SPMIP2: variants seen among roughly 807,000 people sequenced by gnomAD.
SPMIP2 encodes protein SPMIP2.
At chr4:159,065,588 T>C in the SPMIP2 span, among the ~76,000 whole-genome samples, 192 of 152,236 alleles carry the variant, frequency 1.3e-3, 1 homozygote, top group African/African-American at 4.5e-3. Context: ...CGTGGTGGCA[T>C]GCATCTGTTG....
the SPMIP2 span, among the ~76,000 whole-genome samples, chr4:158,969,253 G>C: frequency 1.3e-5 from 2 of 152,132 alleles, no homozygotes; most frequent in African/African-American, 4.8e-5. Context: ...AAGGCCAGTG[G>C]AGAGGAGATA....
At chr4:159,017,805 G>C in the SPMIP2 span, among the ~76,000 whole-genome samples, 2 of 152,198 alleles carry the variant, frequency 1.3e-5, no homozygotes, top group African/African-American at 2.4e-5. Context: ...CAAGAGCTCA[G>C]AGCCAAGGAG....
At chr4:158,999,783 T>C in the SPMIP2 span, among the ~76,000 whole-genome samples, 3 of 152,246 alleles carry the variant, frequency 2.0e-5, no homozygotes, top group Non-Finnish European at 2.9e-5. Flanking sequence ...ATTAGGTGGG[T>C]AAAGCCACAT....
chr4:159,078,845 TG>T, the SPMIP2 span, among the ~76,000 whole-genome samples: 1 of 152,182 alleles, frequency 6.6e-6, no homozygotes, highest in Non-Finnish European at 1.5e-5. Flanking sequence ...AGGCCAGGCA[TG>T]GTGGCTCATG....
At chr4:159,050,337 A>C in the SPMIP2 span, among the ~76,000 whole-genome samples, 1 of 150,880 alleles carries the variant, frequency 6.6e-6, no homozygotes, top group Non-Finnish European at 1.5e-5. Flanking sequence ...GGGAGGTGTG[A>C]TAGCATTTTT....
the SPMIP2 span, among the ~76,000 whole-genome samples, chr4:158,962,942 C>A: frequency 6.6e-6 from 1 of 152,318 alleles, no homozygotes; most frequent in African/African-American, 2.4e-5. Context: ...AGAGTACCAA[C>A]ATTAGTGATA....
At chr4:159,021,907 C>G in the SPMIP2 span, among the ~76,000 whole-genome samples, 1 of 152,122 alleles carries the variant, frequency 6.6e-6, no homozygotes, top group Non-Finnish European at 1.5e-5. Context: ...GTGGATCTTG[C>G]GTTCTAAGTG....
chr4:158,904,619 CTG>C, the SPMIP2 span: 1 of 1,268,760 alleles, frequency 7.9e-7, no homozygotes, highest in Non-Finnish European at 1.1e-6. Context: ...AATAAGCTCT[CTG>C]TGATGTCAAA....
chr4:158,952,198 G>T, the SPMIP2 span, among the ~76,000 whole-genome samples: 2 of 152,148 alleles, frequency 1.3e-5, no homozygotes, highest in Non-Finnish European at 2.9e-5. Context: ...TATTTGAAAA[G>T]AACATGACTT....
At chr4:159,011,423 T>A in the SPMIP2 span, among the ~76,000 whole-genome samples, 4 of 152,032 alleles carry the variant, frequency 2.6e-5, no homozygotes, top group Admixed American at 2.6e-4. Flanking sequence ...ACATTTAGGG[T>A]TTTGTAATTT....
At chr4:158,970,777 A>G in the SPMIP2 span, among the ~76,000 whole-genome samples, 1 of 152,062 alleles carries the variant, frequency 6.6e-6, no homozygotes, top group African/African-American at 2.4e-5. Context: ...CAAGATTGTT[A>G]TCTGAGACAG....
chr4:158,956,518 G>A, the SPMIP2 span, among the ~76,000 whole-genome samples: 39 of 152,260 alleles, frequency 2.6e-4, no homozygotes, highest in Admixed American at 1.1e-3. Flanking sequence ...AGCGGAGATC[G>A]CGCCGTTGCA....
the SPMIP2 span, among the ~76,000 whole-genome samples, chr4:158,917,048 A>G: frequency 1.3e-5 from 2 of 152,202 alleles, no homozygotes; most frequent in Non-Finnish European, 2.9e-5. Context: ...CAGGGGATCA[A>G]GACCATCCTG....
the SPMIP2 span, among the ~76,000 whole-genome samples, chr4:158,990,643 C>A: frequency 6.6e-6 from 1 of 152,112 alleles, no homozygotes; most frequent in Non-Finnish European, 1.5e-5. Context: ...AACAGAAAAC[C>A]AAACACCGCC....
chr4:158,895,365 G>C, the SPMIP2 span, among the ~76,000 whole-genome samples: 1 of 152,116 alleles, frequency 6.6e-6, no homozygotes, highest in African/African-American at 2.4e-5. Context: ...ATGTGGTTAC[G>C]TGTAAATTCA....
At chr4:158,938,638 G>A in the SPMIP2 span, among the ~76,000 whole-genome samples, 379 of 152,304 alleles carry the variant, frequency 2.5e-3, 2 homozygotes, top group African/African-American at 8.6e-3. Flanking sequence ...CCAGGACATT[G>A]CTGGTTGCCC....
chr4:158,994,934 G>A, the SPMIP2 span, among the ~76,000 whole-genome samples: 2 of 152,180 alleles, frequency 1.3e-5, no homozygotes, highest in Non-Finnish European at 2.9e-5. Context: ...TTTCAATTCA[G>A]TTGGTACAAT....
At chr4:159,021,630 T>C in the SPMIP2 span, among the ~76,000 whole-genome samples, 164 of 152,362 alleles carry the variant, frequency 1.1e-3, 1 homozygote, top group East Asian at 6.0e-3. Flanking sequence ...TACAATGTTA[T>C]AGGATTTACT....
At chr4:158,977,903 C>T in the SPMIP2 span, among the ~76,000 whole-genome samples, 6 of 152,190 alleles carry the variant, frequency 3.9e-5, no homozygotes, top group South Asian at 4.2e-4. Context: ...TGAGCCACAG[C>T]ACCCAGCCTA....
Sources: gnomAD v4.1 joint callset for allele counts (sites outside exome capture counted in the v4.1 genomes callset) on GRCh38, gnomAD v4.1.1 for gene constraint, MANE v1.5 for transcripts, NCBI Gene and HGNC (gene_info 2026-07-23, HGNC 2026-07-21) for gene names.